TMEM131: variants seen among roughly 807,000 people sequenced by gnomAD.
TMEM131 encodes the protein 2610524E03Rik.
TMEM131 carries 66 observed loss-of-function variants against 211.6 expected under a neutral mutation model. That is an observed-to-expected ratio of 0.31 (90% confidence interval 0.26 to 0.38). The LOEUF (loss-of-function observed/expected upper bound fraction) is 0.38. TMEM131 is among the 10% of genes least tolerant of loss of function. TMEM131 has a pLI of 1.00. For synonymous variants in TMEM131, 844 were observed against 841.3 expected (o/e 1.00, Z -0.06); for missense variants, 2,036 against 2,299.3 (o/e 0.89, Z 2.34).
At chr2:97,787,944 C>G (rs566808568) in intron 31 of TMEM131, among the ~76,000 whole-genome samples, 1 of 152,170 alleles carries the variant, frequency 6.6e-6, no homozygotes, top group African/African-American at 2.4e-5. Flanking sequence ...CCACCATCCT[C>G]GAAATTCAAT....
chr2:97,943,100 A>AGAAAGAAAGAAAGAAAGAGC (rs1491111163), intron 1 of TMEM131, among the ~76,000 whole-genome samples: 3 of 149,574 alleles, frequency 2.0e-5, no homozygotes, highest in South Asian at 2.1e-4. Flanking sequence ...AAAGAAAGAA[A>AGAAAGAAAGAAAGAAAGAGC]GAGCTGGGTG....
At chr2:97,868,988 A>G (rs1674384690) in intron 4 of TMEM131, among the ~76,000 whole-genome samples, 1 of 152,198 alleles carries the variant, frequency 6.6e-6, no homozygotes, top group East Asian at 1.9e-4. Flanking sequence ...ACAATATAGA[A>G]GATAAAAGTC....
intron 5 of TMEM131, among the ~76,000 whole-genome samples, chr2:97,854,596 C>T (rs1673763443): frequency 6.6e-6 from 1 of 152,198 alleles, no homozygotes; most frequent in Non-Finnish European, 1.5e-5. Context: ...GCTACAATTT[C>T]ATTCCTCTGT....
At chr2:97,943,017 AAAAGAAAAGAAAAGAAAAGAAAAG>A (rs1475660878) in intron 1 of TMEM131, among the ~76,000 whole-genome samples, 2 of 43,318 alleles carry the variant, frequency 4.6e-5, no homozygotes, top group African/African-American at 1.1e-4. Context: ...GAAAGAAAAG[AAAAGAAAAGAAAAGAAAAGAAAAG>A]AAAGAAAGAA....
intron 1 of TMEM131, among the ~76,000 whole-genome samples, chr2:97,955,266 T>G (rs1441845964): frequency 6.6e-6 from 1 of 152,042 alleles, no homozygotes; most frequent in Non-Finnish European, 1.5e-5. Flanking sequence ...TTTGACAAAA[T>G]CCAACATCTC....
At chr2:97,774,640 G>A (rs1044515363) in intron 32 of TMEM131, among the ~76,000 whole-genome samples, 1 of 152,176 alleles carries the variant, frequency 6.6e-6, no homozygotes, top group African/African-American at 2.4e-5. Flanking sequence ...ACAGAACACT[G>A]GCCACTGGGG....
chr2:97,760,693 T>C lies in TMEM131; in HGVS notation c.5012-4A>G. On this transcript the variant is annotated splice_polypyrimidine_tract_variant and splice_region_variant and intron_variant, in intron 37 of 40. Coordinates refer to ENST00000186436, the MANE Select transcript of TMEM131 (RefSeq NM_015348.2). ...ACTTTAGCAAAGCCATTCCCACCTG[T>C]AACAATGGACGTTCAATCAATGGAA... 6.2e-7 allele frequency: 1 copy of C among 1,613,984 alleles called. No individual in the cohort carries two copies. The highest frequency in any genetic ancestry group is 1.1e-5 in the South Asian group (1 of 91,086).
chr2:97,839,940 A>G (rs1285968048), intron 7 of TMEM131, among the ~76,000 whole-genome samples: 1 of 152,222 alleles, frequency 6.6e-6, no homozygotes, highest in Non-Finnish European at 1.5e-5. Context: ...TCATGTTTGA[A>G]TTGTTAACAT....
chr2:97,893,010 C>T lies in TMEM131; in HGVS notation c.291-4890G>A, dbSNP rs1393036676. Among the ~76,000 whole-genome samples the T allele has an allele frequency of 2.0e-5, 3 of 152,082 alleles. No homozygotes were observed. The South Asian group carries it at 6.2e-4, about 32-fold the overall frequency. On this transcript the variant is annotated intron_variant, in intron 3 of 40. Transcript: ENST00000186436. ...TTTGCTGCACCCATCAACCCATCAC[C>T]TGTATTAGGTACTTCTCCTAATGCT...
intron 40 of TMEM131, among the ~76,000 whole-genome samples, chr2:97,757,989 G>A (rs1272480405): frequency 1.8e-4 from 28 of 152,230 alleles, no homozygotes; most frequent in African/African-American, 5.8e-4. Context: ...AAAATTAGCC[G>A]GGTGTGGTGG....
At position 97,810,945 on chromosome 2, in the gene TMEM131, C is replaced by T. The variant is rs191528243; in HGVS notation, c.1968+183G>A. ...TTAGGTTAGGAGGGTTGGGTTTTAT[C>T]AAAAAACTATGAGCCTATGAACATC... On this transcript the variant is annotated intron_variant, in intron 18 of 40. Coordinates refer to ENST00000186436, the MANE Select transcript of TMEM131 (RefSeq NM_015348.2). Among the ~76,000 whole-genome samples the T allele has an allele frequency of 3.9e-5, 6 of 152,220 alleles. No homozygotes were observed. The East Asian group carries it at 1.2e-3, about 29-fold the overall frequency.
At chr2:97,793,886 C>T (rs1025753031) in intron 29 of TMEM131, among the ~76,000 whole-genome samples, 4 of 142,254 alleles carry the variant, frequency 2.8e-5, no homozygotes, top group Admixed American at 1.5e-4. Context: ...CCCAGCTAGT[C>T]GGGAGGCTGA....
chr2:97,977,384 G>A (rs1177549581), intron 1 of TMEM131, among the ~76,000 whole-genome samples: 2 of 152,148 alleles, frequency 1.3e-5, no homozygotes, highest in African/African-American at 4.8e-5. Flanking sequence ...GAGATATATG[G>A]ATGGCAAATA....
intron 1 of TMEM131, among the ~76,000 whole-genome samples, chr2:97,927,973 A>G (rs1048066464): frequency 4.6e-5 from 7 of 152,204 alleles, no homozygotes; most frequent in African/African-American, 1.7e-4. Context: ...GAAAATAGCA[A>G]AAGATTATTC....
At chr2:97,923,628 T>TAAAA (rs71386040) in intron 2 of TMEM131, among the ~76,000 whole-genome samples, 46 of 30,212 alleles carry the variant, frequency 1.5e-3, no homozygotes, top group African/African-American at 3.4e-3. Flanking sequence ...TCTTTTTTTT[T>TAAAA]AAAAAAAAAA....
At chr2:97,783,928 T>C (rs1680132808) in intron 31 of TMEM131, among the ~76,000 whole-genome samples, 1 of 151,090 alleles carries the variant, frequency 6.6e-6, no homozygotes, top group Non-Finnish European at 1.5e-5. Context: ...CATGGAAACA[T>C]TAATTAAAGG....
chr2:97,965,478 CCA>C (rs1390716147), intron 1 of TMEM131, among the ~76,000 whole-genome samples: 1 of 152,184 alleles, frequency 6.6e-6, no homozygotes, highest in African/African-American at 2.4e-5. Context: ...GGGGTACCCG[CCA>C]GGTGGTGTGG....
intron 2 of TMEM131, among the ~76,000 whole-genome samples, chr2:97,922,921 A>C (rs1676805447): frequency 6.6e-6 from 1 of 152,210 alleles, no homozygotes; most frequent in Non-Finnish European, 1.5e-5. Flanking sequence ...AAAATAAATG[A>C]ATCAAAATCG....
chr2:97,758,856 C>T, intron 40 of TMEM131, 37 bp downstream of exon 40: 4 of 1,575,276 alleles, frequency 2.5e-6, no homozygotes, highest in South Asian at 2.3e-5. Context: ...AGTGGGTGGG[C>T]CAGGTCCAGG....
Sources: gnomAD v4.1 joint callset for allele counts (sites outside exome capture counted in the v4.1 genomes callset) on GRCh38, gnomAD v4.1.1 for gene constraint, MANE v1.5 for transcripts, NCBI Gene and HGNC (gene_info 2026-07-23, HGNC 2026-07-21) for gene names.